The following SLC30A6 variants were observed in gnomAD, a reference collection of about 807,000 sequenced individuals.
SLC30A6 encodes the protein solute carrier family 30 member 6, also known as zinc transporter 6.
SLC30A6 carries 55 observed loss-of-function variants against 63.0 expected under a neutral mutation model. That is an observed-to-expected ratio of 0.87 (90% confidence interval 0.70 to 1.09). The LOEUF (loss-of-function observed/expected upper bound fraction) is 1.09. Among genes scored for constraint, SLC30A6 ranks in the 50% least tolerant of loss-of-function variants. The pLI is 0.00. For missense variants in SLC30A6, 587 were observed against 549.2 expected (o/e 1.07, Z -0.69); for synonymous variants, 224 against 186.1 (o/e 1.20, Z -1.66).
chr2:32,193,770 C>T lies in SLC30A6; in HGVS notation c.402-119C>T. 3 of 715,800 alleles carry T rather than the reference C, an allele frequency of 4.2e-6. No homozygotes were observed. The South Asian group carries it at 5.4e-5, about 13-fold the overall frequency. The allele number at this position is 715,800 out of a possible 1,614,324, so 44.3% of individuals were successfully genotyped here. ...AGTTCAGATTCTGTATCTGGAAACACCAAATCATTAAAGCAGACCACTTTA... is the reference window on the plus strand; with the variant it reads ...AGTTCAGATTCTGTATCTGGAAACATCAAATCATTAAAGCAGACCACTTTA... On this transcript the variant is annotated intron_variant, in intron 7 of 13. Transcript: ENST00000282587.
intron 4 of SLC30A6, among the ~76,000 whole-genome samples, chr2:32,176,574 C>G (rs1681763131): frequency 2.0e-5 from 3 of 150,904 alleles, no homozygotes; most frequent in Admixed American, 2.0e-4. Context: ...AGGACAATTG[C>G]TTGAACCTGG....
Position 32,192,949 on chromosome 2 carries a change from C to T in SLC30A6, c.397C>T (p.His133Tyr), listed in dbSNP as rs769996264. The T allele has an allele frequency of 1.3e-6, 2 of 1,507,288 alleles. No homozygotes were observed. Among genetic ancestry groups the T allele is most frequent in the South Asian group, 1.3e-5 (1 of 76,688 alleles). 93.4% of individuals were successfully genotyped at this position (1,507,288 alleles called of 1,614,324 possible). ...ACGCTTTTTGGAACAGCCCGAGATA[C>T]ACACGTGAGATTTTATTTTCAATAT... The part of the protein sequence containing the change: ...AERFLEQPEI[H>Y]TGRLLVGTFV... The change falls in exon 7 of 14, where the codon CAC (histidine) becomes TAC (tyrosine). Residue 133 changes from histidine to tyrosine, a missense_variant. His to Tyr is a moderately conservative substitution (Grantham distance 83, BLOSUM62 2). Coordinates refer to ENST00000282587, the MANE Select transcript of SLC30A6 (RefSeq NM_017964.5).
At chr2:32,202,741 C>G in intron 10 of SLC30A6, 1 of 699,844 alleles carries the variant, frequency 1.4e-6, no homozygotes, top group Non-Finnish European at 2.6e-6. Flanking sequence ...TTCTACAAAA[C>G]TGATTCTGAA....
chr2:32,197,453 TATC>T, intron 9 of SLC30A6, 61 bp downstream of exon 9: 1 of 1,482,902 alleles, frequency 6.7e-7, no homozygotes, highest in African/African-American at 1.4e-5. Context: ...GAAATGCATC[TATC>T]ATGGGAACTT....
chr2:32,186,645 T>G (rs1419258901), intron 5 of SLC30A6, among the ~76,000 whole-genome samples: 1 of 151,520 alleles, frequency 6.6e-6, no homozygotes, highest in Non-Finnish European at 1.5e-5. Flanking sequence ...TGAGTCGAGA[T>G]TGTGCCACTG....
intron 13 of SLC30A6, among the ~76,000 whole-genome samples, chr2:32,213,135 GGCCTTAA>G (rs1455729133): frequency 6.6e-6 from 1 of 150,766 alleles, no homozygotes; most frequent in East Asian, 2.0e-4. Flanking sequence ...TTGAACTCTT[GGCCTTAA>G]GCACTCCTAC....
Position 32,207,029 on chromosome 2 carries a change from T to G in SLC30A6, c.816+96T>G, listed in dbSNP as rs144325558. 2.2e-3 allele frequency: 2,250 copies of G among 1,002,296 alleles called. 30 individuals are homozygous for G. The African/African-American group carries it at 0.033, about 15-fold the overall frequency. The allele number at this position is 1,002,296 out of a possible 1,614,324, so 62.1% of individuals were successfully genotyped here. On this transcript the variant is annotated intron_variant, in intron 12 of 13. Transcript: ENST00000282587. Reference sequence around the variant, plus strand: ...CTTTATTCAACTCTACCTAGAATTTTATTTGAGGGAAGTTCATGTTCTTCA... The same window carrying G: ...CTTTATTCAACTCTACCTAGAATTTGATTTGAGGGAAGTTCATGTTCTTCA...
At chr2:32,194,133 T>C in intron 8 of SLC30A6, 150 bp downstream of exon 8, 1 of 530,576 alleles carries the variant, frequency 1.9e-6, no homozygotes, top group South Asian at 3.4e-5. Context: ...CTTTTTTAAG[T>C]GGAAAATTAT....
chr2:32,176,519 A>G (rs1450641640), intron 4 of SLC30A6, among the ~76,000 whole-genome samples: 1 of 151,652 alleles, frequency 6.6e-6, no homozygotes, highest in Non-Finnish European at 1.5e-5. Flanking sequence ...TTAGCCAGGC[A>G]TGGTGGTGGG....
chr2:32,217,621 G>T lies in SLC30A6; in HGVS notation c.886-2592G>T, dbSNP rs557996151. On this transcript the variant is annotated intron_variant, in intron 13 of 13. Coordinates refer to ENST00000282587, the MANE Select transcript of SLC30A6 (RefSeq NM_017964.5). ...GAAAAATGACATTGGTAGTTTGATA[G>T]TAATAGCATGGAATCTATAGATTGC... is the stretch of plus-strand genomic sequence containing the variant. Among the ~76,000 whole-genome samples, 30 of 152,172 alleles carry T rather than the reference G, an allele frequency of 2.0e-4. No homozygotes were observed. The South Asian group carries it at 5.8e-3, about 29-fold the overall frequency.
chr2:32,194,105 G>C, intron 8 of SLC30A6, 122 bp downstream of exon 8: 1 of 647,178 alleles, frequency 1.5e-6, no homozygotes, highest in Non-Finnish European at 2.5e-6. Flanking sequence ...GAGAGAACTA[G>C]CCCAAATGTT....
chr2:32,210,651 CAG>C (rs894833890), intron 13 of SLC30A6, among the ~76,000 whole-genome samples: 3 of 149,164 alleles, frequency 2.0e-5, no homozygotes, highest in Non-Finnish European at 3.0e-5. Context: ...TTAAAAAAAA[CAG>C]ATAGGGTTTG....
chr2:32,217,363 A>C (rs866231236), intron 13 of SLC30A6, among the ~76,000 whole-genome samples: 6 of 152,184 alleles, frequency 3.9e-5, no homozygotes, highest in African/African-American at 1.4e-4. Flanking sequence ...ACTTTGTCAA[A>C]GATCAGATGG....
At chr2:32,217,750 C>G (rs1685828231) in intron 13 of SLC30A6, among the ~76,000 whole-genome samples, 1 of 151,736 alleles carries the variant, frequency 6.6e-6, no homozygotes, top group Non-Finnish European at 1.5e-5. Context: ...AGCAGTGTTT[C>G]ATAGTTCTCC....
At chr2:32,197,943 C>G (rs2148866884) in intron 10 of SLC30A6, 117 bp downstream of exon 10, 1 of 1,216,092 alleles carries the variant, frequency 8.2e-7, no homozygotes, top group Admixed American at 2.6e-5. Flanking sequence ...TCCTGTGTAA[C>G]TTAGATCACA....
intron 5 of SLC30A6, among the ~76,000 whole-genome samples, chr2:32,188,945 A>G (rs1010214707): frequency 5.9e-5 from 9 of 152,114 alleles, no homozygotes; most frequent in Non-Finnish European, 1.0e-4. Flanking sequence ...AGTATGTACT[A>G]TCTTGTTCAT....
chr2:32,206,539 T>A (rs917665631), intron 11 of SLC30A6, among the ~76,000 whole-genome samples: 3 of 152,172 alleles, frequency 2.0e-5, no homozygotes, highest in Admixed American at 1.3e-4. Flanking sequence ...AGGGCAGTAG[T>A]TCCATCTCCA....
intron 10 of SLC30A6, chr2:32,202,477 C>T: frequency 7.6e-6 from 2 of 263,270 alleles, no homozygotes; most frequent in South Asian, 4.4e-5. Flanking sequence ...CTACAGGCAC[C>T]CGCCACCACC....
At chr2:32,220,100 T>G in intron 13 of SLC30A6, 113 bp from the exon 14 acceptor site, 7 of 1,238,804 alleles carry the variant, frequency 5.7e-6, no homozygotes, top group Non-Finnish European at 7.7e-6. Context: ...AAGCTTTTTC[T>G]TTCAAAGAAA....
Sources: gnomAD v4.1 joint callset for allele counts (sites outside exome capture counted in the v4.1 genomes callset) on GRCh38, gnomAD v4.1.1 for gene constraint, MANE v1.5 for transcripts, NCBI Gene and HGNC (gene_info 2026-07-23, HGNC 2026-07-21) for gene names.